Variants in DEGS2 observed in about 807,000 individuals in gnomAD.
DEGS2 encodes the protein sphingolipid delta(4)-desaturase/C4-monooxygenase DES2.
DEGS2 carries 19 observed loss-of-function variants against 23.8 expected under a neutral mutation model. The ratio of observed to expected loss-of-function variants is 0.80; its 90% CI spans 0.56 to 1.17. The LOEUF is 1.17. DEGS2 is among the 50% of genes most tolerant of loss of function. DEGS2 has a pLI of 0.00. For synonymous variants in DEGS2, 218 were observed against 213.7 expected (o/e 1.02, Z -0.18); for missense variants, 390 against 459.5 (o/e 0.85, Z 1.38).
chr14:100,150,863 G>A (rs370785396), intron 1 of DEGS2, among the ~76,000 whole-genome samples: 4 of 152,040 alleles, frequency 2.6e-5, no homozygotes, highest in Middle Eastern at 3.4e-3. Context: ...GGACAGCAGC[G>A]CCCACCCTAC....
In DEGS2 at chr14:100,146,765, A is replaced by T; in HGVS notation, c.968T>A (p.Leu323Gln). Residue 323 changes from leucine to glutamine, a missense_variant, in exon 3 of 3, where the codon CTG (leucine) becomes CAG (glutamine). Physicochemically the swap from Leu to Gln is moderately radical, Grantham distance 113. Transcript: ENST00000305631. The stretch of plus-strand genomic sequence containing the variant: ...CCACCAGGAGGCAGCCCGGGCTCAC[A>T]GACCATCTTTTGCCAGCCTGTACAC... Reference protein sequence around the residue: ...KRVYRLAKDGL With the variant: ...KRVYRLAKDGQ The T allele has an allele frequency of 6.2e-7, 1 of 1,613,328 alleles. No individual in the cohort carries two copies. The highest frequency in any genetic ancestry group is 8.5e-7 in the Non-Finnish European group (1 of 1,179,686).
chr14:100,148,036 C>T (rs535514558), intron 2 of DEGS2, among the ~76,000 whole-genome samples: 6 of 152,282 alleles, frequency 3.9e-5, no homozygotes, highest in South Asian at 2.1e-4. Context: ...TACTGCCAGC[C>T]GGAATGGAGG....
the DEGS2 span, among the ~76,000 whole-genome samples, chr14:100,165,151 A>G: frequency 1.3e-5 from 2 of 151,568 alleles, no homozygotes; most frequent in Middle Eastern, 6.4e-3. Context: ...ACAGCCCACT[A>G]CCTCCTCTGT....
chr14:100,154,714 G>T (rs1889631211), intron 1 of DEGS2, among the ~76,000 whole-genome samples: 1 of 152,240 alleles, frequency 6.6e-6, no homozygotes, highest in African/African-American at 2.4e-5. Context: ...CGACTCTGAT[G>T]GGTTACAGCC....
Position 100,149,570 on chromosome 14 carries a change from C to G in DEGS2, c.223G>C (p.Ala75Pro). ...GAGTGGTTCACGCAGCCACCAAAGG[C>G]GTAGGCCCAGAACAGCAGCCAGCGC... Reference protein sequence around the residue: ...AWRWLLFWAYAFGGCVNHSLT... With the variant: ...AWRWLLFWAYPFGGCVNHSLT... Residue 75 changes from alanine to proline, a missense_variant, in exon 2 of 3, where the codon GCC becomes CCC. Coordinates refer to ENST00000305631, the MANE Select transcript of DEGS2 (RefSeq NM_206918.3). The G allele has an allele frequency of 6.2e-7, 1 of 1,608,444 alleles. No homozygotes were observed. The highest frequency in any genetic ancestry group is 8.5e-7 in the Non-Finnish European group (1 of 1,178,746).
chr14:100,166,808 C>A, the DEGS2 span, among the ~76,000 whole-genome samples: 2 of 152,178 alleles, frequency 1.3e-5, no homozygotes, highest in Non-Finnish European at 2.9e-5. Flanking sequence ...GAGATCCAAG[C>A]CATTCTAACA....
At chr14:100,154,104 C>A (rs2140423750) in intron 1 of DEGS2, among the ~76,000 whole-genome samples, 1 of 152,324 alleles carries the variant, frequency 6.6e-6, no homozygotes, top group East Asian at 1.9e-4. Flanking sequence ...GTGGCTCACA[C>A]CTGTAATCCC....
intron 1 of DEGS2, among the ~76,000 whole-genome samples, chr14:100,151,001 C>T (rs1048530495): frequency 6.6e-6 from 1 of 152,196 alleles, no homozygotes; most frequent in Non-Finnish European, 1.5e-5. Flanking sequence ...CCCCTAAGTC[C>T]CCTCTGAGTG....
intron 1 of DEGS2, among the ~76,000 whole-genome samples, chr14:100,152,008 G>A (rs556714243): frequency 3.5e-4 from 53 of 152,232 alleles, no homozygotes; most frequent in Non-Finnish European, 6.8e-4. Flanking sequence ...CCCTGGGTAC[G>A]GTCAGGATGG....
chr14:100,160,983 G>T (rs1399782788), upstream of DEGS2, among the ~76,000 whole-genome samples: 2 of 152,206 alleles, frequency 1.3e-5, no homozygotes, highest in African/African-American at 2.4e-5. Context: ...TCCCAGGGCA[G>T]CCTGCTCTGT....
upstream of DEGS2, among the ~76,000 whole-genome samples, chr14:100,162,606 TAC>T (rs375964835): frequency 9.9e-5 from 15 of 151,934 alleles, no homozygotes; most frequent in African/African-American, 3.4e-4. Context: ...TTTGGGAGTG[TAC>T]ACACACACAC....
At chr14:100,148,947 C>T (rs1471050013) in intron 2 of DEGS2, 21 bp downstream of exon 2, 3 of 1,606,602 alleles carry the variant, frequency 1.9e-6, no homozygotes, top group Non-Finnish European at 1.7e-6. Context: ...CCGCCGCAGC[C>T]CTGCCAGCCC....
In DEGS2 at chr14:100,159,159, G is replaced by T. The variant is rs911068789; in HGVS notation, c.82+347C>A. ...CCGCGCCAGGGAGCGCGTGCGCCTC[G>T]TAGCGCGTCCCGGGGCCGCCCCTGC... On this transcript the variant is annotated intron_variant, in intron 1 of 2. Coordinates refer to ENST00000305631, the MANE Select transcript of DEGS2 (RefSeq NM_206918.3). Among the ~76,000 whole-genome samples the T allele has an allele frequency of 5.1e-4, 77 of 152,172 alleles. 1 individual carries two copies. Among genetic ancestry groups the T allele is most frequent in the African/African-American group, 1.8e-3 (73 of 41,536 alleles).
intron 1 of DEGS2, among the ~76,000 whole-genome samples, chr14:100,152,866 TAAATC>T (rs1016161271): frequency 1.0e-4 from 15 of 143,372 alleles, no homozygotes; most frequent in African/African-American, 3.9e-4. Context: ...ATTCCCCTAA[TAAATC>T]CCCTCTTCGA....
chr14:100,146,977 C>T (rs1370831064), intron 2 of DEGS2, 70 bp from the exon 3 acceptor site: 10 of 1,541,530 alleles, frequency 6.5e-6, no homozygotes, highest in South Asian at 6.1e-5. Flanking sequence ...CACACGCAGA[C>T]ACCTGAGCAC....
intron 1 of DEGS2, among the ~76,000 whole-genome samples, chr14:100,153,716 G>A (rs933062604): frequency 3.9e-5 from 6 of 152,232 alleles, no homozygotes; most frequent in East Asian, 1.9e-4. Flanking sequence ...TCTCTGCTCC[G>A]TGGGGCAGCA....
rs558263205 is a variant in DEGS2 at position 100,146,583 on chromosome 14, C to T, written c.*178G>A. Reference sequence around the variant, plus strand: ...ACACTCAAGGTCCAGGGCAAGTCCACGTGCAGACGGAGCCCTGCAGCCCAC... The same window carrying T: ...ACACTCAAGGTCCAGGGCAAGTCCATGTGCAGACGGAGCCCTGCAGCCCAC... On this transcript the variant is annotated 3_prime_UTR_variant, in exon 3 of 3. Coordinates refer to ENST00000305631, the MANE Select transcript of DEGS2 (RefSeq NM_206918.3). 89 of 870,180 alleles carry T rather than the reference C, an allele frequency of 1.0e-4. No individual in the cohort carries two copies. Among genetic ancestry groups the T allele is most frequent in the Admixed American group, 2.2e-4 (8 of 36,716 alleles). 53.9% of individuals were successfully genotyped at this position (870,180 alleles called of 1,614,324 possible). A position where few individuals can be genotyped will look rare whatever the true frequency, so the allele number is the denominator to read the frequency against.
At chr14:100,155,022 A>G (rs1391360750) in intron 1 of DEGS2, among the ~76,000 whole-genome samples, 1 of 152,128 alleles carries the variant, frequency 6.6e-6, no homozygotes, top group African/African-American at 2.4e-5. Context: ...CTCTGGCAAC[A>G]TCTAGGGAGA....
Position 100,149,594 on chromosome 14 carries a change from G to C in DEGS2, c.199C>G (p.Arg67Gly). 1 of 1,609,782 alleles carries C rather than the reference G, an allele frequency of 6.2e-7. No individual in the cohort carries two copies. Among genetic ancestry groups the C allele is most frequent in the Non-Finnish European group, 8.5e-7 (1 of 1,179,132 alleles). ...GCGTAGGCCCAGAACAGCAGCCAGC[G>C]CCAGGCCAGCCCGCGCACCAGCCAG... ...ACWLVRGLAW[R>G]WLLFWAYAFG... Residue 67 changes from arginine to glycine, a missense_variant, in exon 2 of 3, where the codon CGC becomes GGC. Physicochemically the swap from Arg to Gly is moderately radical, Grantham distance 125 (BLOSUM62 -2). Transcript: ENST00000305631.
Sources: allele counts gnomAD v4.1 joint callset (sites outside exome capture counted in the v4.1 genomes callset), GRCh38; gene constraint gnomAD v4.1.1; transcripts MANE v1.5; gene names NCBI Gene and HGNC (gene_info 2026-07-23, HGNC 2026-07-21).